NOS1: variants seen among roughly 807,000 people sequenced by gnomAD.
NOS1 encodes the protein nitric oxide synthase 1.
Under a neutral mutation model 164.5 loss-of-function variants are expected in NOS1, and 51 were observed. That is an observed-to-expected ratio of 0.31 (90% CI 0.25 to 0.39). The LOEUF (loss-of-function observed/expected upper bound fraction) is 0.39, where lower values mean the gene tolerates loss of function less well. NOS1 is among the 10% of genes least tolerant of loss of function. The pLI is 1.00. For missense variants in NOS1, 1,362 were observed against 1,885.6 expected (o/e 0.72, Z 5.14); for synonymous variants, 719 against 745.8 (o/e 0.96, Z 0.59).
At chr12:117,260,226 T>C (rs985853863) in intron 14 of NOS1, among the ~76,000 whole-genome samples, 3 of 152,114 alleles carry the variant, frequency 2.0e-5, no homozygotes, top group Non-Finnish European at 4.4e-5. Context: ...TGGTTTCTTA[T>C]AAACCCTCTA....
chr12:117,262,417 A>G (rs1182743774), intron 13 of NOS1, among the ~76,000 whole-genome samples: 3 of 96,032 alleles, frequency 3.1e-5, no homozygotes, highest in African/African-American at 1.3e-4. Flanking sequence ...AGAGAGAGGG[A>G]GGGAGGGAGG....
intron 3 of NOS1, among the ~76,000 whole-genome samples, chr12:117,302,931 A>G (rs1393810322): frequency 1.3e-5 from 2 of 152,002 alleles, no homozygotes; most frequent in Non-Finnish European, 2.9e-5. Context: ...TTTTTAGTAG[A>G]GACAGGGTTT....
chr12:117,231,851 C>T, intron 22 of NOS1, 111 bp downstream of exon 22: 7 of 1,212,618 alleles, frequency 5.8e-6, no homozygotes, highest in Non-Finnish European at 8.1e-6. Context: ...TAATGGCCCC[C>T]TTGGCTCAAG....
chr12:117,327,663 T>C (rs1352796671), intron 2 of NOS1, among the ~76,000 whole-genome samples: 1 of 152,186 alleles, frequency 6.6e-6, no homozygotes, highest in East Asian at 1.9e-4. Flanking sequence ...CACGCATGCA[T>C]CTACCTCACT....
chr12:117,221,124 ATTTATT>A (rs1956697723), intron 26 of NOS1, among the ~76,000 whole-genome samples: 2 of 139,242 alleles, frequency 1.4e-5, no homozygotes, highest in Non-Finnish European at 3.0e-5. Context: ...GGGCTGTTAA[ATTTATT>A]TTTATTTATT....
chr12:117,229,136 C>A (rs1369050717), intron 22 of NOS1, among the ~76,000 whole-genome samples: 2 of 152,198 alleles, frequency 1.3e-5, no homozygotes, highest in Non-Finnish European at 2.9e-5. Flanking sequence ...TCTCAGACCT[C>A]CAGCCTGACT....
In NOS1 at chr12:117,268,153, G is replaced by A. The variant is rs1242391256; in HGVS notation, c.1840-9C>T. 1 of 1,590,560 alleles carries A rather than the reference G, an allele frequency of 6.3e-7. No individual in the cohort carries two copies. The highest frequency in any genetic ancestry group is 1.1e-5 in the South Asian group (1 of 90,560). On this transcript the variant is annotated splice_polypyrimidine_tract_variant and intron_variant, in intron 10 of 28. Coordinates refer to ENST00000317775, the MANE Select transcript of NOS1 (RefSeq NM_000620.5). ...ATCTTCTTGGCCACTTCCTGAAAGA[G>A]GAAGGAAACACAGATATACAGGCTG...
chr12:117,300,063 T>C (rs1201684572), intron 3 of NOS1, among the ~76,000 whole-genome samples: 1 of 152,162 alleles, frequency 6.6e-6, no homozygotes, highest in East Asian at 1.9e-4. Flanking sequence ...ACAAGTTTCA[T>C]GTTTATGTTT....
intron 9 of NOS1, 65 bp downstream of exon 9, chr12:117,277,894 C>T (rs1873316917): frequency 6.6e-7 from 1 of 1,523,910 alleles, no homozygotes; most frequent in Non-Finnish European, 8.9e-7. Context: ...GGGGATGGGG[C>T]TGGGCAAAGA....
In NOS1 at chr12:117,209,476, A is replaced by T; in HGVS notation, c.*5833T>A. On this transcript the variant is annotated 3_prime_UTR_variant, in exon 29 of 29. Transcript: ENST00000317775. Reference sequence around the variant, plus strand: ...CTTCGATGTCCTGGAGTTACTTTCTAAAAGACTACAGGAAGCAGTGCATGG... The same window carrying T: ...CTTCGATGTCCTGGAGTTACTTTCTTAAAGACTACAGGAAGCAGTGCATGG... The T allele has an allele frequency of 1.0e-6, 1 of 985,478 alleles. No homozygotes were observed. The allele number at this position is 985,478 out of a possible 1,614,324, so 61.0% of individuals were successfully genotyped here. A position where few individuals can be genotyped will look rare whatever the true frequency, so the allele number is the denominator to read the frequency against.
intron 2 of NOS1, among the ~76,000 whole-genome samples, chr12:117,316,830 T>A (rs1172767795): frequency 6.6e-6 from 1 of 152,214 alleles, no homozygotes; most frequent in Non-Finnish European, 1.5e-5. Context: ...ATGTGGTAGA[T>A]GTGTTGAATA....
At chr12:117,264,712 C>G (rs1872240278) in intron 12 of NOS1, among the ~76,000 whole-genome samples, 2 of 148,438 alleles carry the variant, frequency 1.3e-5, no homozygotes, top group South Asian at 4.4e-4. Context: ...TCTCCCTCTC[C>G]CTTTCCCTCT....
intron 17 of NOS1, among the ~76,000 whole-genome samples, chr12:117,250,608 C>T (rs772187775): frequency 1.3e-5 from 2 of 152,122 alleles, no homozygotes; most frequent in African/African-American, 2.4e-5. Context: ...GGATTACAGG[C>T]GTGAGCTGCC....
At chr12:117,360,484 C>A (rs1430697999) in intron 1 of NOS1, among the ~76,000 whole-genome samples, 1 of 152,246 alleles carries the variant, frequency 6.6e-6, no homozygotes, top group African/African-American at 2.4e-5. Context: ...GCCTCCTTTG[C>A]GGGAGAAGCA....
chr12:117,213,398 C>T lies in NOS1; in HGVS notation c.*1911G>A. ...GATGCTAAGTGTTTGTTCTTTATATCTGTGGAAGAGTGAGCAGGGGAAATT... is the reference window on the plus strand; with the variant it reads ...GATGCTAAGTGTTTGTTCTTTATATTTGTGGAAGAGTGAGCAGGGGAAATT... On this transcript the variant is annotated 3_prime_UTR_variant, in exon 29 of 29. Coordinates refer to ENST00000317775, the MANE Select transcript of NOS1 (RefSeq NM_000620.5). 1 of 985,438 alleles carries T rather than the reference C, an allele frequency of 1.0e-6. No homozygotes were observed. Among genetic ancestry groups the T allele is most frequent in the Non-Finnish European group, 1.2e-6 (1 of 829,986 alleles). The allele number at this position is 985,438 out of a possible 1,614,324, so 61.0% of individuals were successfully genotyped here. A position where few individuals can be genotyped will look rare whatever the true frequency, so the allele number is the denominator to read the frequency against.
chr12:117,323,177 G>A (rs1402942549), intron 2 of NOS1, among the ~76,000 whole-genome samples: 11 of 152,234 alleles, frequency 7.2e-5, no homozygotes, highest in Admixed American at 7.2e-4. Flanking sequence ...GAGGACCACA[G>A]AGCAAATGAA....
chr12:117,341,968 T>C lies in NOS1; in HGVS notation c.-420-10479A>G, dbSNP rs1876131688. Among the ~76,000 whole-genome samples the C allele has an allele frequency of 2.0e-5, 3 of 152,212 alleles. No homozygotes were observed. In the South Asian group the frequency reaches 6.2e-4, roughly 31 times the overall value. Reference sequence around the variant, plus strand: ...TAATTGAACCATTTCAGGCTAGATATGCAAACATAATCATGGCCAAGAGGA... The same window carrying C: ...TAATTGAACCATTTCAGGCTAGATACGCAAACATAATCATGGCCAAGAGGA... On this transcript the variant is annotated intron_variant, in intron 1 of 28. Transcript: ENST00000317775.
chr12:117,237,958 G>A (rs1405624121), intron 20 of NOS1, among the ~76,000 whole-genome samples: 2 of 152,146 alleles, frequency 1.3e-5, no homozygotes, highest in Non-Finnish European at 2.9e-5. Flanking sequence ...AGACTTCTCT[G>A]GCGATTTGAC....
chr12:117,260,385 C>T (rs1236766444), intron 14 of NOS1, 80 bp downstream of exon 14: 2 of 1,534,216 alleles, frequency 1.3e-6, no homozygotes, highest in African/African-American at 2.7e-5. Flanking sequence ...AAGGCTTCTT[C>T]TCTGTTGACT....
Sources: allele counts gnomAD v4.1 joint callset (sites outside exome capture counted in the v4.1 genomes callset), GRCh38; gene constraint gnomAD v4.1.1; transcripts MANE v1.5; gene names NCBI Gene and HGNC (gene_info 2026-07-23, HGNC 2026-07-21).